Variants in GLS observed in about 807,000 individuals in gnomAD.
GLS encodes the protein glutaminase kidney isoform, mitochondrial.
GLS carries 36 observed loss-of-function variants against 86.7 expected under a neutral mutation model. That is an observed-to-expected ratio of 0.42 (90% confidence interval 0.32 to 0.55). The LOEUF is 0.55. GLS is among the 20% of genes least tolerant of loss of function. The pLI is 0.17. For synonymous variants in GLS, 317 were observed against 305.9 expected, an observed-to-expected ratio of 1.04 and a Z score of -0.38; for missense variants, 528 against 833.4, an observed-to-expected ratio of 0.63 and a Z score of 4.51.
intron 5 of GLS, among the ~76,000 whole-genome samples, chr2:190,904,126 T>C (rs1442787108): frequency 6.6e-6 from 1 of 152,154 alleles, no homozygotes; most frequent in Non-Finnish European, 1.5e-5. Flanking sequence ...AGCTCTGTCA[T>C]GTTTATAAAA....
intron 9 of GLS, among the ~76,000 whole-genome samples, chr2:190,922,945 T>G (rs1689792161): frequency 6.6e-6 from 1 of 152,166 alleles, no homozygotes; most frequent in East Asian, 1.9e-4. Context: ...TCAGTTAATA[T>G]TATTATCCTC....
In GLS at chr2:190,911,893, C is replaced by T. The variant is rs137967884; in HGVS notation, c.1038+1572C>T. ...ACTGAAGAGAGATTAACATACACTA[C>T]GCATAGTCTCAAAAGGGCTTATGTA... is the stretch of plus-strand genomic sequence containing the variant. On this transcript the variant is annotated intron_variant, in intron 7 of 17. Coordinates refer to ENST00000320717, the MANE Select transcript of GLS (RefSeq NM_014905.5). Among the ~76,000 whole-genome samples the T allele has an allele frequency of 5.6e-3, 856 of 152,174 alleles. 9 individuals carry two copies. The highest frequency in any genetic ancestry group is 0.02 in the African/African-American group (818 of 41,548).
At chr2:190,952,367 G>A (rs960657344) in intron 14 of GLS, among the ~76,000 whole-genome samples, 2 of 152,154 alleles carry the variant, frequency 1.3e-5, no homozygotes, top group African/African-American at 4.8e-5. Context: ...CCTTTACAGA[G>A]TCTTTCATAT....
chr2:190,886,559 T>C (rs1559313452), intron 1 of GLS, among the ~76,000 whole-genome samples: 1 of 152,174 alleles, frequency 6.6e-6, no homozygotes, highest in East Asian at 1.9e-4. Context: ...CAAAGATAAA[T>C]GTCACTTTGA....
chr2:190,887,835 GAGGGT>G (rs1017414054), intron 1 of GLS, among the ~76,000 whole-genome samples: 1 of 152,168 alleles, frequency 6.6e-6, no homozygotes, highest in Non-Finnish European at 1.5e-5. Flanking sequence ...ACATTCATAT[GAGGGT>G]CTCTTATTTA....
chr2:190,944,652 A>G lies in GLS; in HGVS notation c.1651-8913A>G, dbSNP rs530673458. On this transcript the variant is annotated intron_variant, in intron 14 of 17. Coordinates refer to ENST00000320717, the MANE Select transcript of GLS (RefSeq NM_014905.5). ...ATTGGATATATAAAGAGGGATGCTT[A>G]TGACCTCATTGGTATCTTTTTAGAC... is the stretch of plus-strand genomic sequence containing the variant. 6.6e-5 allele frequency among the ~76,000 whole-genome samples: 10 copies of G among 152,300 alleles called. No homozygotes were observed. The East Asian group carries it at 1.9e-3, about 29-fold the overall frequency.
chr2:190,940,217 A>C (rs911107176), intron 14 of GLS, among the ~76,000 whole-genome samples: 2 of 152,094 alleles, frequency 1.3e-5, no homozygotes, highest in Admixed American at 6.5e-5. Flanking sequence ...GTCTATGCAC[A>C]AGATTTATAA....
chr2:190,928,096 ATACAT>A (rs1271871517), intron 12 of GLS, among the ~76,000 whole-genome samples: 1 of 152,134 alleles, frequency 6.6e-6, no homozygotes, highest in Non-Finnish European at 1.5e-5. Flanking sequence ...TTAATTATGA[ATACAT>A]TACTAATCTT....
chr2:190,899,154 T>A (rs1688855674), intron 3 of GLS, among the ~76,000 whole-genome samples: 1 of 152,128 alleles, frequency 6.6e-6, no homozygotes, highest in South Asian at 2.1e-4. Flanking sequence ...CTCTGATACT[T>A]GGAAGTTGGA....
In GLS at chr2:190,936,679, A is replaced by T. The variant is rs3771307; in HGVS notation, c.1650+5042A>T. 2.0e-4 allele frequency among the ~76,000 whole-genome samples: 31 copies of T among 151,244 alleles called. 1 individual carries two copies. The highest frequency in any genetic ancestry group is 1.3e-4 in the Admixed American group (2 of 15,180). On this transcript the variant is annotated intron_variant, in intron 14 of 17. Coordinates refer to ENST00000320717, the MANE Select transcript of GLS (RefSeq NM_014905.5). ...ACTCTGGAAAAGTGAAACCAAGAAT[A>T]TTAGATTTCATGTGGAATTTAAAGC...
chr2:190,906,833 T>A (rs1037798349), intron 6 of GLS, among the ~76,000 whole-genome samples: 323 of 152,184 alleles, frequency 2.1e-3, no homozygotes, highest in African/African-American at 7.2e-3. Flanking sequence ...AAATAATAAA[T>A]TTTTAAAAAA....
At chr2:190,891,675 A>G (rs6758866) in intron 1 of GLS, among the ~76,000 whole-genome samples, 69,156 of 151,944 alleles carry the variant, frequency 0.46, 18,951 homozygotes, top group Non-Finnish European at 0.62. Context: ...TCCTCTTTTC[A>G]TGTTGCAGAA....
At position 190,953,686 on chromosome 2, in the gene GLS, C is replaced by T. The variant is rs368733751; in HGVS notation, c.1712+60C>T. 5.1e-5 allele frequency: 58 copies of T among 1,147,834 alleles called. No homozygotes were observed. The highest frequency in any genetic ancestry group is 6.0e-5 in the Non-Finnish European group (46 of 768,692). The allele number at this position is 1,147,834 out of a possible 1,614,324, so 71.1% of individuals were successfully genotyped here. Reference sequence around the variant, plus strand: ...AGATATTTATGAAGTTGCTTCTGGGCGAGCAGCCATTTTAAGGTTAAAGTC... The same window carrying T: ...AGATATTTATGAAGTTGCTTCTGGGTGAGCAGCCATTTTAAGGTTAAAGTC... On this transcript the variant is annotated intron_variant, in intron 15 of 17. Transcript: ENST00000320717. The surrounding 1 kb of genome is among the most constrained non-coding windows in gnomAD (Gnocchi z 4.0).
Position 190,921,747 on chromosome 2 carries a change from T to C in GLS, c.1130+544T>C, listed in dbSNP as rs1252476076. On this transcript the variant is annotated intron_variant, in intron 9 of 17. Coordinates refer to ENST00000320717, the MANE Select transcript of GLS (RefSeq NM_014905.5). This position sits in a 1 kb window ranked among gnomAD's most constrained non-coding sequence, Gnocchi z 4.2. Reference sequence around the variant, plus strand: ...CCCTTAGATAAGAAAGCACATACAGTCTAAGAATAAGGACATTCTCCTACA... The same window carrying C: ...CCCTTAGATAAGAAAGCACATACAGCCTAAGAATAAGGACATTCTCCTACA... 6.6e-6 allele frequency among the ~76,000 whole-genome samples: 1 copy of C among 151,896 alleles called. No individual in the cohort carries two copies. Among genetic ancestry groups the C allele is most frequent in the Non-Finnish European group, 1.5e-5 (1 of 67,870 alleles).
intron 14 of GLS, among the ~76,000 whole-genome samples, chr2:190,939,717 C>A (rs1308452661): frequency 6.6e-6 from 1 of 151,618 alleles, no homozygotes; most frequent in African/African-American, 2.4e-5. Flanking sequence ...TTCAAAGATT[C>A]TTTTGAGAGG....
rs1024716489 is a variant in GLS, at chr2:190,913,608, C to T, written c.1038+3287C>T. On this transcript the variant is annotated intron_variant, in intron 7 of 17. Transcript: ENST00000320717. This position sits in a 1 kb window ranked among gnomAD's most constrained non-coding sequence, Gnocchi z 6.1. ...TTTATATGATGTAGCAGTATCCTTA[C>T]GTATTTGTTTTCTTTTCACTGGTAA... 5 of 967,254 alleles carry T rather than the reference C, an allele frequency of 5.2e-6. No individual in the cohort carries two copies. Among genetic ancestry groups the T allele is most frequent in the East Asian group, 1.1e-4 (1 of 8,734 alleles). 59.9% of individuals were successfully genotyped at this position (967,254 alleles called of 1,614,324 possible).
At chr2:190,911,984 T>C (rs925988212) in intron 7 of GLS, among the ~76,000 whole-genome samples, 1 of 152,112 alleles carries the variant, frequency 6.6e-6, no homozygotes, top group African/African-American at 2.4e-5. Context: ...GATTCATGGG[T>C]TTAACAGACT....
chr2:190,880,908 A>AGCAGCAGCAGCAGCAGCACCC lies in GLS; in HGVS notation c.-165_-164insGCAGCACCCGCAGCAGCAGCA, dbSNP rs1688122069. ...CAGCAGCAGCAGCAGCAGCAGCAGC[A>AGCAGCAGCAGCAGCAGCACCC]GCAGCAGCAGCACCCGCATCCGCTG... is the stretch of plus-strand genomic sequence containing the variant. On this transcript the variant is annotated 5_prime_UTR_variant, in exon 1 of 18. Transcript: ENST00000320717. 1.2e-6 allele frequency: 1 copy of AGCAGCAGCAGCAGCAGCACCC among 826,564 alleles called. No homozygotes were observed. The highest frequency in any genetic ancestry group is 1.9e-5 in the African/African-American group (1 of 51,486). 51.2% of individuals were successfully genotyped at this position (826,564 alleles called of 1,614,324 possible).
chr2:190,908,526 C>T (rs962009683), intron 6 of GLS, among the ~76,000 whole-genome samples: 1 of 152,196 alleles, frequency 6.6e-6, no homozygotes, highest in African/African-American at 2.4e-5. Context: ...CAGTATAACA[C>T]GCTCTGATAT....
Sources: allele counts gnomAD v4.1 joint callset (sites outside exome capture counted in the v4.1 genomes callset), GRCh38; gene constraint gnomAD v4.1.1; non-coding constraint Gnocchi (gnomAD v3.1); transcripts MANE v1.5; gene names NCBI Gene and HGNC (gene_info 2026-07-23, HGNC 2026-07-21).